The following DSCAML1 variants were observed in gnomAD, a reference collection of about 807,000 sequenced individuals.
DSCAML1 encodes cell adhesion molecule DSCAML1.
DSCAML1 carries 38 observed loss-of-function variants against 200.5 expected under a neutral mutation model. The ratio of observed to expected loss-of-function variants is 0.19; its 90% CI spans 0.15 to 0.25. The LOEUF (loss-of-function observed/expected upper bound fraction) is 0.25, where lower values mean the gene tolerates loss of function less well. DSCAML1 is among the 10% of genes least tolerant of loss of function. The pLI, the probability that DSCAML1 is intolerant of heterozygous loss-of-function variation, is 1.00. For synonymous variants in DSCAML1, 1,215 were observed against 1,165.0 expected (o/e 1.04, Z -0.87); for missense variants, 2,223 against 2,858.8 (o/e 0.78, Z 5.07).
intron 3 of DSCAML1, among the ~76,000 whole-genome samples, chr11:117,562,978 G>C (rs528005191): frequency 1.1e-4 from 17 of 152,280 alleles, no homozygotes; most frequent in Non-Finnish European, 1.5e-4. Context: ...TGTCTGGAAG[G>C]ATCTGATGCA....
chr11:117,722,589 C>G (rs1336499253), intron 3 of DSCAML1, among the ~76,000 whole-genome samples: 1 of 152,124 alleles, frequency 6.6e-6, no homozygotes, highest in Non-Finnish European at 1.5e-5. Context: ...GCTAATTACC[C>G]TGATTTGATC....
At chr11:117,481,492 G>A (rs1294074822) in intron 12 of DSCAML1, among the ~76,000 whole-genome samples, 1 of 149,094 alleles carries the variant, frequency 6.7e-6, no homozygotes, top group Non-Finnish European at 1.5e-5. Context: ...GAGGGAGAGA[G>A]GGGCTGAGGA....
At chr11:117,540,006 G>C (rs1223530878) in intron 3 of DSCAML1, among the ~76,000 whole-genome samples, 2 of 152,226 alleles carry the variant, frequency 1.3e-5, no homozygotes, top group Admixed American at 6.5e-5. Context: ...ATTATCCTAA[G>C]TGAAATAAGC....
At chr11:117,452,269 T>G (rs1184678783) in intron 19 of DSCAML1, among the ~76,000 whole-genome samples, 1 of 152,286 alleles carries the variant, frequency 6.6e-6, no homozygotes, top group Non-Finnish European at 1.5e-5. Context: ...CATCAGTTTT[T>G]GTTTTTTATA....
chr11:117,748,174 C>G (rs1195106636), intron 3 of DSCAML1, among the ~76,000 whole-genome samples: 1 of 152,184 alleles, frequency 6.6e-6, no homozygotes, highest in Admixed American at 6.5e-5. Context: ...AAAGTGAAGA[C>G]AGAGCAAGAA....
At chr11:117,810,599 T>A (rs931149784) in intron 1 of DSCAML1, among the ~76,000 whole-genome samples, 1 of 152,216 alleles carries the variant, frequency 6.6e-6, no homozygotes, top group East Asian at 1.9e-4. Context: ...TTAGCCTGTA[T>A]CCTTAAGAAC....
intron 3 of DSCAML1, among the ~76,000 whole-genome samples, chr11:117,661,591 C>T (rs1374546876): frequency 1.3e-5 from 2 of 152,166 alleles, no homozygotes; most frequent in East Asian, 3.8e-4. Flanking sequence ...GTCCCAAATG[C>T]CACTGCTTAA....
At chr11:117,458,644 A>G (rs960394989) in intron 19 of DSCAML1, 110 bp downstream of exon 19, 23 of 1,375,248 alleles carry the variant, frequency 1.7e-5, no homozygotes, top group Non-Finnish European at 2.3e-5. Flanking sequence ...CACAGTTTGA[A>G]GGCCAGGAGA....
Position 117,482,145 on chromosome 11 carries a change from A to C in DSCAML1, c.2377T>G (p.Ser793Ala), listed in dbSNP as rs768184176. The C allele has an allele frequency of 6.8e-6, 11 of 1,614,036 alleles. No individual in the cohort carries two copies. The highest frequency in any genetic ancestry group is 9.3e-6 in the Non-Finnish European group (11 of 1,179,958). ...LTVKIPAMIT[S>A]HPNTTIAIKG... Reference sequence around the variant, plus strand: ...ATGGCGATGGTGGTGTTGGGGTGGGAAGTGATCATGGCCGGGACTGGGGGG... The same window carrying C: ...ATGGCGATGGTGGTGTTGGGGTGGGCAGTGATCATGGCCGGGACTGGGGGG... Residue 793 changes from serine (S) to alanine (A), a missense_variant, in exon 12 of 33, where the codon TCC becomes GCC. By Grantham distance (99) the Ser-to-Ala change is moderately conservative. Transcript: ENST00000651296.
intron 8 of DSCAML1, among the ~76,000 whole-genome samples, chr11:117,513,226 C>T (rs1226138820): frequency 6.6e-6 from 1 of 152,148 alleles, no homozygotes; most frequent in Admixed American, 6.5e-5. Context: ...GCTGATTTGT[C>T]CCAGATGACA....
chr11:117,756,828 G>A (rs890775525), intron 3 of DSCAML1, among the ~76,000 whole-genome samples: 3 of 152,114 alleles, frequency 2.0e-5, no homozygotes, highest in African/African-American at 7.2e-5. Flanking sequence ...GTGGTGTGGG[G>A]CACTCACTTT....
intron 11 of DSCAML1, among the ~76,000 whole-genome samples, chr11:117,501,666 G>A (rs1190225584): frequency 6.6e-6 from 1 of 152,120 alleles, no homozygotes; most frequent in Non-Finnish European, 1.5e-5. Context: ...GAGAGGGAGT[G>A]TGTGTGTGGC....
Position 117,597,091 on chromosome 11 carries a change from C to T in DSCAML1, c.512-64569G>A, listed in dbSNP as rs190850630. 7.1e-4 allele frequency among the ~76,000 whole-genome samples: 108 copies of T among 152,296 alleles called. 1 individual carries two copies. The highest frequency in any genetic ancestry group is 2.1e-4 in the South Asian group (1 of 4,828). On this transcript the variant is annotated intron_variant, in intron 3 of 32. Coordinates refer to ENST00000651296, the MANE Select transcript of DSCAML1 (RefSeq NM_020693.4). ...AGCACCGTTCTGCATGGAGGTTTTC[C>T]GACATATGATAATTACATTCTGTAG...
chr11:117,598,911 T>C (rs893676045), intron 3 of DSCAML1, among the ~76,000 whole-genome samples: 1 of 152,188 alleles, frequency 6.6e-6, no homozygotes, highest in Non-Finnish European at 1.5e-5. Context: ...TTTTTGGGGT[T>C]GATGCCTAAA....
chr11:117,744,793 C>T (rs902749940), intron 3 of DSCAML1, among the ~76,000 whole-genome samples: 1 of 152,212 alleles, frequency 6.6e-6, no homozygotes, highest in Non-Finnish European at 1.5e-5. Flanking sequence ...CCACGGGAGA[C>T]CACAGGGGGC....
chr11:117,531,975 TAAAG>T (rs1365345648), intron 4 of DSCAML1, among the ~76,000 whole-genome samples: 148 of 131,670 alleles, frequency 1.1e-3, no homozygotes, highest in Middle Eastern at 8.7e-3. Flanking sequence ...AGGGACGAAA[TAAAG>T]AAAGAAAGGA....
intron 3 of DSCAML1, among the ~76,000 whole-genome samples, chr11:117,588,205 G>A (rs1193305514): frequency 2.6e-5 from 4 of 152,168 alleles, no homozygotes; most frequent in African/African-American, 9.7e-5. Context: ...CCAGGCATCT[G>A]GCACCAGGGT....
intron 3 of DSCAML1, among the ~76,000 whole-genome samples, chr11:117,661,550 C>T (rs571026612): frequency 5.3e-5 from 8 of 152,268 alleles, no homozygotes; most frequent in African/African-American, 1.9e-4. Flanking sequence ...AATGAAGCCT[C>T]CCCAGCCCCA....
intron 1 of DSCAML1, among the ~76,000 whole-genome samples, chr11:117,811,666 C>A (rs1675820558): frequency 6.6e-6 from 1 of 152,198 alleles, no homozygotes; most frequent in Non-Finnish European, 1.5e-5. Flanking sequence ...GTTCAACTCA[C>A]CTGGCAGCCA....
Sources: gnomAD v4.1 joint callset for allele counts (sites outside exome capture counted in the v4.1 genomes callset) on GRCh38, gnomAD v4.1.1 for gene constraint, MANE v1.5 for transcripts, NCBI Gene and HGNC (gene_info 2026-07-23, HGNC 2026-07-21) for gene names.